Variants in CORO1A observed in about 807,000 individuals in gnomAD.
CORO1A encodes coronin-1A.
A neutral mutation model predicts 44.1 loss-of-function variants in CORO1A; 17 were observed. The observed-to-expected ratio is 0.39, with a 90% CI of 0.26 to 0.58. CORO1A has a LOEUF of 0.58. Among genes scored for constraint, CORO1A ranks in the 20% least tolerant of loss-of-function variants. The pLI is 0.62. For synonymous variants in CORO1A, 271 were observed against 244.2 expected, an observed-to-expected ratio of 1.11 and a Z score of -1.02; for missense variants, 415 against 606.5, an observed-to-expected ratio of 0.68 and a Z score of 3.32.
At chr16:30,185,106 G>T in intron 1 of CORO1A, 103 bp from the exon 2 acceptor site, 1 of 1,132,292 alleles carries the variant, frequency 8.8e-7, no homozygotes. Flanking sequence ...ATGATGCTGG[G>T]ACCTTAAAAG....
intron 2 of CORO1A, 147 bp downstream of exon 2, chr16:30,185,554 C>G (rs2073324316): frequency 1.5e-6 from 1 of 668,012 alleles, no homozygotes. Context: ...CTTACACTTC[C>G]TCCAGCTCCT....
In CORO1A at chr16:30,184,682, C is replaced by T; in HGVS notation, c.-1-527C>T. On this transcript the variant is annotated intron_variant, in intron 1 of 10. Transcript: ENST00000219150. This position sits in a 1 kb window ranked among gnomAD's most constrained non-coding sequence, Gnocchi z 4.3. ...CTGGGGAAGCTATCCTGCCGCCTCA[C>T]TCCCCTCAGGCAGCCCCCACGCCAC... 1 of 194,362 alleles carries T rather than the reference C, an allele frequency of 5.1e-6. No homozygotes were observed. Among genetic ancestry groups the T allele is most frequent in the Non-Finnish European group, 1.1e-5 (1 of 92,090 alleles). 12.0% of individuals were successfully genotyped at this position (194,362 alleles called of 1,614,324 possible).
At chr16:30,187,273 T>A in intron 5 of CORO1A, 50 bp downstream of exon 5, 1 of 1,605,572 alleles carries the variant, frequency 6.2e-7, no homozygotes, top group South Asian at 1.1e-5. Flanking sequence ...TTATCCTTCT[T>A]ATCCACCATC....
intron 4 of CORO1A, 22 bp from the exon 5 acceptor site, chr16:30,187,017 T>G: frequency 6.2e-7 from 1 of 1,613,814 alleles, no homozygotes; most frequent in Non-Finnish European, 8.5e-7. Context: ...TCATGGCTTC[T>G]GACACTGTGG....
chr16:30,187,470 T>C lies in CORO1A; in HGVS notation c.725T>C (p.Met242Thr). The C allele has an allele frequency of 6.2e-7, 1 of 1,608,346 alleles. No individual in the cohort carries two copies. The highest frequency in any genetic ancestry group is 8.5e-7 in the Non-Finnish European group (1 of 1,179,968). Residue 242 changes from methionine to threonine, a missense_variant, in exon 6 of 11, where the codon ATG (methionine) becomes ACG (threonine). By Grantham distance (81) the Met-to-Thr change is moderately conservative. Around this residue, in one of 2 missense-constraint regions of CORO1A, gnomAD observed 325 missense variants for 521.7 expected, o/e 0.62. Coordinates refer to ENST00000219150, the MANE Select transcript of CORO1A (RefSeq NM_007074.4). ...GKILTTGFSR[M>T]SERQVALWDT... is the part of the protein sequence containing the mutation. Reference sequence around the variant, plus strand: ...ATCCTGACCACGGGCTTCAGCCGCATGAGTGAGCGGCAGGTGGCGCTGTGG... The same window carrying C: ...ATCCTGACCACGGGCTTCAGCCGCACGAGTGAGCGGCAGGTGGCGCTGTGG...
chr16:30,186,920 A>C lies in CORO1A; in HGVS notation c.426A>C (p.Thr142=), dbSNP rs930123430. ...TGGGCATTGTGGCCTGGCACACCAC[A>C]GCCCAGAACGTGCTGCTCAGTGCAG... ...KRVGIVAWHT[T]AQNVLLSAGC... is the part of the protein sequence containing the mutation. Residue 142 remains threonine (T), a synonymous_variant, in exon 4 of 11, where the codon ACA becomes ACC. Coordinates refer to ENST00000219150, the MANE Select transcript of CORO1A (RefSeq NM_007074.4). 6.8e-6 allele frequency: 11 copies of C among 1,612,796 alleles called. No homozygotes were observed. Among genetic ancestry groups the C allele is most frequent in the Non-Finnish European group, 9.3e-6 (11 of 1,179,998 alleles).
rs1346557064 is a variant in CORO1A at position 30,185,204 on chromosome 16, C to G, written c.-1-5C>G. On this transcript the variant is annotated splice_polypyrimidine_tract_variant and splice_region_variant and intron_variant, in intron 1 of 10. Transcript: ENST00000219150. ...GAGAAATGCTCTTATGCTGTGTGCC[C>G]CCAGAATGAGCCGGCAGGTGGTCCG... 1 of 1,614,066 alleles carries G rather than the reference C, an allele frequency of 6.2e-7. No individual in the cohort carries two copies. The highest frequency in any genetic ancestry group is 8.5e-7 in the Non-Finnish European group (1 of 1,179,942).
Position 30,187,502 on chromosome 16 carries a change from G to A in CORO1A, c.756+1G>A. The A allele has an allele frequency of 6.2e-7, 1 of 1,602,968 alleles. No individual in the cohort carries two copies. The highest frequency in any genetic ancestry group is 8.5e-7 in the Non-Finnish European group (1 of 1,179,608). On this transcript the variant is annotated splice_donor_variant, in intron 6 of 10. Coordinates refer to ENST00000219150, the MANE Select transcript of CORO1A (RefSeq NM_007074.4). LOFTEE classifies it high-confidence loss of function. ...GCGGCAGGTGGCGCTGTGGGACACA[G>A]TGAGTGCTGGGGCAGGAAGCCGAGG... is the stretch of plus-strand genomic sequence containing the variant.
intron 2 of CORO1A, chr16:30,185,914 C>A: frequency 4.6e-6 from 1 of 217,424 alleles, no homozygotes; most frequent in Non-Finnish European, 9.4e-6. Context: ...TGCCCCGCAC[C>A]CCCAGCACAC....
Position 30,188,034 on chromosome 16 carries a change from C to A in CORO1A, c.954C>A (p.Gly318=), listed in dbSNP as rs376912665. Reference sequence around the variant, plus strand: ...TCAGTTCCAAGGAGTCCCAGCGGGGCATGGGCTACATGCCCAAACGTGGCC... The same window carrying A: ...TCAGTTCCAAGGAGTCCCAGCGGGGAATGGGCTACATGCCCAAACGTGGCC... The part of the protein sequence containing the change: ...SMFSSKESQR[G]MGYMPKRGLE... The change falls in exon 8 of 11, where the codon GGC becomes GGA. Residue 318 remains glycine, a synonymous_variant. Transcript: ENST00000219150. 11 of 1,613,866 alleles carry A rather than the reference C, an allele frequency of 6.8e-6. No individual in the cohort carries two copies. Among genetic ancestry groups the A allele is most frequent in the Admixed American group, 1.7e-5 (1 of 60,000 alleles).
In CORO1A at chr16:30,188,519, G is replaced by T; in HGVS notation, c.1224G>T (p.Arg408=). The change falls in exon 10 of 11, where the codon CGG becomes CGT. Residue 408 remains arginine, a synonymous_variant. Coordinates refer to ENST00000219150, the MANE Select transcript of CORO1A (RefSeq NM_007074.4). ...AGAGCCGGGAGCTGAGGGTCAACCG[G>T]GGCCTGGACACCGGGCGCAGGAGGG... The part of the protein sequence containing the change: ...PPKSRELRVN[R]GLDTGRRRAA... 2.5e-6 allele frequency: 4 copies of T among 1,612,886 alleles called. No homozygotes were observed. Among genetic ancestry groups the T allele is most frequent in the Non-Finnish European group, 2.5e-6 (3 of 1,179,902 alleles).
rs769934078 is a variant in CORO1A at position 30,185,439 on chromosome 16, C to G, written c.198+32C>G. The G allele has an allele frequency of 1.9e-6, 3 of 1,591,258 alleles. No individual in the cohort carries two copies. In the East Asian group the frequency reaches 6.7e-5, roughly 36 times the overall value. The stretch of plus-strand genomic sequence containing the variant: ...CCCTGGGGCCCTGGGGGGAGCAGCT[C>G]CTCCACCGGACCCATGGCTCTGTGC... On this transcript the variant is annotated intron_variant, in intron 2 of 10. Transcript: ENST00000219150.
At position 30,187,986 on chromosome 16, in the gene CORO1A, T is replaced by C; in HGVS notation, c.906T>C (p.Pro302=). Residue 302 remains proline (P), a synonymous_variant, in exon 8 of 11, where the codon CCT becomes CCC. Coordinates refer to ENST00000219150, the MANE Select transcript of CORO1A (RefSeq NM_007074.4). The part of the protein sequence containing the change: ...IRYFEITSEA[P]FLHYLSMFSS... The stretch of plus-strand genomic sequence containing the variant: ...ACTTTGAGATCACTTCCGAGGCCCC[T>C]TTCCTGCACTATCTCTCCATGTTCA... The C allele has an allele frequency of 6.2e-7, 1 of 1,614,104 alleles. No homozygotes were observed. Among genetic ancestry groups the C allele is most frequent in the African/African-American group, 1.3e-5 (1 of 75,034 alleles).
intron 2 of CORO1A, chr16:30,185,846 C>T: frequency 4.1e-6 from 1 of 241,830 alleles, no homozygotes. Context: ...AGGTGCTCTC[C>T]CCCACCCGCA....
chr16:30,188,413 CCCT>C lies in CORO1A; in HGVS notation c.1120_1122del (p.Leu374del). The stretch of plus-strand genomic sequence containing the variant: ...CCACCCACCGCAGGGCCCGACCCTG[CCCT>C]CACGGCTGAGGAGTGGCTGGGGGGT... On this transcript the variant is annotated inframe_deletion, in exon 10 of 11. Coordinates refer to ENST00000219150, the MANE Select transcript of CORO1A (RefSeq NM_007074.4). The C allele has an allele frequency of 6.2e-7, 1 of 1,613,784 alleles. No homozygotes were observed. Among genetic ancestry groups the C allele is most frequent in the Admixed American group, 1.7e-5 (1 of 60,024 alleles).
At chr16:30,187,568 C>T in intron 6 of CORO1A, 67 bp downstream of exon 6, 1 of 1,556,596 alleles carries the variant, frequency 6.4e-7, no homozygotes, top group Non-Finnish European at 8.7e-7. Flanking sequence ...TTCGTCCCTG[C>T]TCTGCCACTC....
In CORO1A at chr16:30,188,868, G is replaced by C; in HGVS notation, c.1290G>C (p.Val430=). ...CAGCACCGGGTCCCCAGGATGCCGT[G>C]TCTCGGCTGGAGGAGGAGATGCGGA... ...EASGTPSSDA[V]SRLEEEMRKL... Residue 430 remains valine (V), a synonymous_variant, in exon 11 of 11, where the codon GTG becomes GTC. Transcript: ENST00000219150. 1 of 378,038 alleles carries C rather than the reference G, an allele frequency of 2.6e-6. No individual in the cohort carries two copies. Among genetic ancestry groups the C allele is most frequent in the Non-Finnish European group, 4.5e-6 (1 of 220,880 alleles). 23.4% of individuals were successfully genotyped at this position (378,038 alleles called of 1,614,324 possible). A position where few individuals can be genotyped will look rare whatever the true frequency, so the allele number is the denominator to read the frequency against.
chr16:30,186,968 G>A (rs746759179), intron 4 of CORO1A, 23 bp downstream of exon 4: 23 of 1,612,850 alleles, frequency 1.4e-5, no homozygotes, highest in Non-Finnish European at 1.8e-5. Context: ...GAGGGGCTTG[G>A]GGGTGGCTCG....
At chr16:30,186,363 G>A (rs2073334187) in intron 2 of CORO1A, 1 of 555,730 alleles carries the variant, frequency 1.8e-6, no homozygotes, top group Non-Finnish European at 3.3e-6. Context: ...ACTCTGCCAG[G>A]GTCTTGCACG....
Sources: gnomAD v4.1 joint callset for allele counts on GRCh38, gnomAD v4.1.1 for gene constraint, gnomAD v4.1.1 regional missense constraint, Gnocchi (gnomAD v3.1) non-coding constraint, MANE v1.5 for transcripts, NCBI Gene and HGNC (gene_info 2026-07-23, HGNC 2026-07-21) for gene names.